SPAG17: variants seen among roughly 807,000 people sequenced by gnomAD.
SPAG17 encodes the protein sperm associated antigen 17, also known as sperm-associated antigen 17.
In SPAG17, 169 loss-of-function variants were observed where a neutral mutation model predicts 273.6. That is an observed-to-expected ratio of 0.62 (90% CI 0.55 to 0.70). SPAG17 has a LOEUF of 0.70. Ranked by LOEUF, SPAG17 falls within the 30% of genes least tolerant of loss-of-function variation. The probability of loss-of-function intolerance (pLI) is 0.00; values close to 1 mark genes in which losing one functional copy is unlikely to be tolerated. For missense variants in SPAG17, 2,557 were observed against 2,627.8 expected (o/e 0.97, Z 0.59); for synonymous variants, 825 against 873.2 (o/e 0.94, Z 0.97).
At chr1:118,123,260 A>T (rs557831540) in intron 3 of SPAG17, among the ~76,000 whole-genome samples, 5 of 152,250 alleles carry the variant, frequency 3.3e-5, no homozygotes, top group African/African-American at 1.2e-4. Context: ...TTGATCCTGT[A>T]TGTGTCTAGT....
At chr1:118,050,178 G>A (rs1650838200) in intron 20 of SPAG17, among the ~76,000 whole-genome samples, 1 of 152,144 alleles carries the variant, frequency 6.6e-6, no homozygotes, top group Non-Finnish European at 1.5e-5. Flanking sequence ...CCCACCCCAA[G>A]GGAAGAATCA....
At chr1:118,057,838 A>C (rs1304747053) in intron 18 of SPAG17, among the ~76,000 whole-genome samples, 1 of 150,286 alleles carries the variant, frequency 6.7e-6, no homozygotes, top group African/African-American at 2.4e-5. Context: ...ATTATGTTAA[A>C]TTAAAATTTT....
chr1:117,983,896 A>G lies in SPAG17; in HGVS notation c.5787T>C (p.Ser1929=). 1 of 1,610,310 alleles carries G rather than the reference A, an allele frequency of 6.2e-7. No individual in the cohort carries two copies. The highest frequency in any genetic ancestry group is 2.2e-5 in the East Asian group (1 of 44,806). The change falls in exon 42 of 49, where the codon AGT becomes AGC. Residue 1929 remains serine (S), a synonymous_variant. Transcript: ENST00000336338. ...TAAAAGAAGGCAGTTTTTTGGAAAG[A>G]CTGTCCAGGTGATTATACTGAAAGG... ...LYQSQYNHLD[S]LSKKLPSFTK...
At chr1:118,131,569 C>T (rs76526166) in intron 3 of SPAG17, among the ~76,000 whole-genome samples, 10 of 152,268 alleles carry the variant, frequency 6.6e-5, no homozygotes, top group African/African-American at 1.4e-4. Context: ...TACTATTTTT[C>T]GTTGATCTAA....
intron 7 of SPAG17, 70 bp from the exon 8 acceptor site, chr1:118,093,387 A>G: frequency 7.0e-7 from 1 of 1,438,620 alleles, no homozygotes; most frequent in South Asian, 1.4e-5. Flanking sequence ...TATGGTATAT[A>G]TCTCTTAACA....
chr1:118,013,010 G>A (rs1273954367), intron 29 of SPAG17, among the ~76,000 whole-genome samples: 1 of 152,174 alleles, frequency 6.6e-6, no homozygotes, highest in Non-Finnish European at 1.5e-5. Context: ...CCATGGCTCT[G>A]TTGTGTTTGC....
chr1:117,982,753 C>A (rs1655978128), intron 42 of SPAG17, among the ~76,000 whole-genome samples: 1 of 152,160 alleles, frequency 6.6e-6, no homozygotes, highest in South Asian at 2.1e-4. Flanking sequence ...TCCAAAATAT[C>A]TTTTATAGCT....
intron 41 of SPAG17, 83 bp from the exon 42 acceptor site, chr1:117,983,996 A>T: frequency 1.6e-6 from 1 of 619,720 alleles, no homozygotes. Context: ...ATAAGCAATA[A>T]TGAAAACATA....
intron 3 of SPAG17, among the ~76,000 whole-genome samples, chr1:118,141,343 T>C (rs1658669945): frequency 6.6e-6 from 1 of 152,204 alleles, no homozygotes; most frequent in Admixed American, 6.5e-5. Flanking sequence ...ATGTACCACC[T>C]GTACTATAAA....
rs982562781 is a variant in SPAG17 at position 118,055,904 on chromosome 1, C to G, written c.2551G>C (p.Glu851Gln). The change falls in exon 19 of 49, where the codon GAA becomes CAA. Residue 851 changes from glutamate to glutamine, a missense_variant. By Grantham distance (29) the Glu-to-Gln change is conservative. Transcript: ENST00000336338. Reference sequence around the variant, plus strand: ...TCTTGAATAGATTTTGCAACAAGTTCCAAATAATTCCTAAACAAACCAATA... The same window carrying G: ...TCTTGAATAGATTTTGCAACAAGTTGCAAATAATTCCTAAACAAACCAATA... ...HSNVGFRNYL[E>Q]LVAKSIQDWI... The G allele has an allele frequency of 6.2e-7, 1 of 1,604,000 alleles. No homozygotes were observed.
chr1:118,042,020 C>T lies in SPAG17; in HGVS notation c.2837G>A (p.Arg946Gln), dbSNP rs140661130. 65 of 1,612,086 alleles carry T rather than the reference C, an allele frequency of 4.0e-5. No homozygotes were observed. The highest frequency in any genetic ancestry group is 4.7e-5 in the Non-Finnish European group (56 of 1,179,610). ...CCTTAAGCGCTCCTCTTCTGCTAATCGATGTTGCTCTTCTTTCCATGCCTG... is the reference window on the plus strand; with the variant it reads ...CCTTAAGCGCTCCTCTTCTGCTAATTGATGTTGCTCTTCTTTCCATGCCTG... ...SLKAWKEEQHRLAEEERLREE... is the reference protein window; with the variant it reads ...SLKAWKEEQHQLAEEERLREE... Residue 946 changes from arginine (R) to glutamine (Q), a missense_variant, in exon 21 of 49, where the codon CGA becomes CAA. Coordinates refer to ENST00000336338, the MANE Select transcript of SPAG17 (RefSeq NM_206996.4).
intron 48 of SPAG17, 181 bp downstream of exon 48, chr1:117,963,618 C>G (rs1557838772): frequency 2.3e-6 from 1 of 434,258 alleles, no homozygotes; most frequent in African/African-American, 2.0e-5. Context: ...CCCACCTCGG[C>G]CTCCCAAAGT....
chr1:118,035,359 G>A (rs188334734), intron 24 of SPAG17, among the ~76,000 whole-genome samples: 112 of 152,178 alleles, frequency 7.4e-4, no homozygotes, highest in Admixed American at 4.6e-3. Context: ...ATTGATAGCA[G>A]GTATAAATAT....
At chr1:118,148,609 G>A (rs1000849460) in intron 3 of SPAG17, among the ~76,000 whole-genome samples, 2 of 152,166 alleles carry the variant, frequency 1.3e-5, no homozygotes, top group African/African-American at 4.8e-5. Flanking sequence ...ACTGATTGGT[G>A]CATTTACAAT....
At chr1:118,071,442 G>C (rs1653573987) in intron 17 of SPAG17, among the ~76,000 whole-genome samples, 1 of 152,086 alleles carries the variant, frequency 6.6e-6, no homozygotes, top group Non-Finnish European at 1.5e-5. Context: ...CTGAGGTCAG[G>C]AGGTCAAGAC....
intron 1 of SPAG17, among the ~76,000 whole-genome samples, chr1:118,175,219 G>C (rs550393538): frequency 6.6e-6 from 1 of 151,946 alleles, no homozygotes; most frequent in East Asian, 1.9e-4. Context: ...TAGTAGAAAC[G>C]GGGTTTCACC....
chr1:118,116,107 T>C (rs1456629899), intron 3 of SPAG17, among the ~76,000 whole-genome samples: 2 of 152,160 alleles, frequency 1.3e-5, no homozygotes, highest in Non-Finnish European at 1.5e-5. Context: ...ACTGACAGCC[T>C]GTTTTATGAC....
intron 32 of SPAG17, among the ~76,000 whole-genome samples, chr1:118,001,607 T>G (rs980226203): frequency 6.6e-6 from 1 of 152,250 alleles, no homozygotes; most frequent in African/African-American, 2.4e-5. Flanking sequence ...TTTATTTGCA[T>G]AGAGGTGTTT....
chr1:118,153,000 C>T (rs1019037008), intron 1 of SPAG17, among the ~76,000 whole-genome samples: 2 of 152,172 alleles, frequency 1.3e-5, no homozygotes, highest in African/African-American at 4.8e-5. Flanking sequence ...TAATAACCAC[C>T]TTTACCCCCT....
Sources: allele counts gnomAD v4.1 joint callset (sites outside exome capture counted in the v4.1 genomes callset), GRCh38; gene constraint gnomAD v4.1.1; transcripts MANE v1.5; gene names NCBI Gene and HGNC (gene_info 2026-07-23, HGNC 2026-07-21).